MAPKAPK2: variants seen among roughly 807,000 people sequenced by gnomAD.
The protein encoded by MAPKAPK2 is MAPK activated protein kinase 2.
MAPKAPK2 carries 9 observed loss-of-function variants against 48.8 expected under a neutral mutation model. That is an observed-to-expected ratio of 0.18 (90% CI 0.11 to 0.32). The LOEUF is 0.32. Ranked by LOEUF, MAPKAPK2 falls within the 10% of genes least tolerant of loss-of-function variation. MAPKAPK2 has a pLI of 1.00. For synonymous variants in MAPKAPK2, 202 were observed against 190.6 expected, an observed-to-expected ratio of 1.06 and a Z score of -0.49; for missense variants, 331 against 498.3, an observed-to-expected ratio of 0.66 and a Z score of 3.20.
chr1:206,707,282 C>T (rs1468216845), intron 1 of MAPKAPK2, among the ~76,000 whole-genome samples: 4 of 152,086 alleles, frequency 2.6e-5, no homozygotes, highest in African/African-American at 7.2e-5. Context: ...ACTAAGTAGT[C>T]TGTTCCCAAC....
intron 1 of MAPKAPK2, among the ~76,000 whole-genome samples, chr1:206,686,245 G>A (rs1263205455): frequency 6.6e-6 from 1 of 152,332 alleles, no homozygotes; most frequent in African/African-American, 2.4e-5. Flanking sequence ...TGTAACCCGC[G>A]GCCGGGCCCG....
chr1:206,696,355 A>T, intron 1 of MAPKAPK2: 1 of 699,946 alleles, frequency 1.4e-6, no homozygotes, highest in Non-Finnish European at 2.6e-6. Context: ...CTGAAAACCT[A>T]CATCTTCATT....
intron 5 of MAPKAPK2, 21 bp from the exon 6 acceptor site, chr1:206,730,667 A>G (rs201832392): frequency 1.3e-6 from 2 of 1,578,642 alleles, no homozygotes; most frequent in East Asian, 2.4e-5. Context: ...CGGCCCACCC[A>G]TGTTGACCTT....
intron 1 of MAPKAPK2, among the ~76,000 whole-genome samples, chr1:206,706,370 G>A (rs1672959329): frequency 1.3e-5 from 2 of 152,180 alleles, no homozygotes; most frequent in Admixed American, 6.5e-5. Flanking sequence ...CTCTTTGTTA[G>A]TGGAGAAAGG....
chr1:206,710,730 G>A (rs981873480), intron 1 of MAPKAPK2, among the ~76,000 whole-genome samples: 67 of 152,216 alleles, frequency 4.4e-4, no homozygotes, highest in Non-Finnish European at 7.3e-5. Context: ...CATCGAAAGT[G>A]CAAAGGATAA....
At chr1:206,706,241 G>A (rs1305572115) in intron 1 of MAPKAPK2, among the ~76,000 whole-genome samples, 1 of 152,006 alleles carries the variant, frequency 6.6e-6, no homozygotes, top group East Asian at 1.9e-4. Context: ...GGAGCTAGGG[G>A]AGGTGTCCTT....
At chr1:206,696,820 A>G (rs1396725647) in intron 1 of MAPKAPK2, among the ~76,000 whole-genome samples, 2 of 152,216 alleles carry the variant, frequency 1.3e-5, no homozygotes, top group Non-Finnish European at 2.9e-5. Flanking sequence ...AATGTGATGT[A>G]CTAGAGGTAA....
chr1:206,728,673 G>A, intron 1 of MAPKAPK2, 37 bp from the exon 2 acceptor site: 1 of 1,602,512 alleles, frequency 6.2e-7, no homozygotes, highest in Non-Finnish European at 8.5e-7. Context: ...AGGCCCATGT[G>A]ACAGCGCAGT....
intron 1 of MAPKAPK2, among the ~76,000 whole-genome samples, chr1:206,711,801 T>A (rs1401028939): frequency 2.6e-5 from 4 of 151,770 alleles, no homozygotes; most frequent in Non-Finnish European, 5.9e-5. Flanking sequence ...CTGTATTTTA[T>A]TCGTAGAGAC....
In MAPKAPK2 at chr1:206,730,101, A is replaced by G; in HGVS notation, c.691+3A>G. 2 of 1,614,214 alleles carry G rather than the reference A, an allele frequency of 1.2e-6. No individual in the cohort carries two copies. Among genetic ancestry groups the G allele is most frequent in the Non-Finnish European group, 1.7e-6 (2 of 1,180,028 alleles). ...TTGTTATACACCGTACTATGTGGGTAAGTCCACAGGGGGCCCAGGGACCTA... is the reference window on the plus strand; with the variant it reads ...TTGTTATACACCGTACTATGTGGGTGAGTCCACAGGGGGCCCAGGGACCTA... On this transcript the variant is annotated splice_donor_region_variant and intron_variant, in intron 5 of 9. Coordinates refer to ENST00000367103, the MANE Select transcript of MAPKAPK2 (RefSeq NM_032960.4).
At chr1:206,718,222 G>A (rs868915562) in intron 1 of MAPKAPK2, among the ~76,000 whole-genome samples, 2 of 152,188 alleles carry the variant, frequency 1.3e-5, no homozygotes, top group Admixed American at 1.3e-4. Context: ...TAAGGTGGAA[G>A]CAGTTCTGTT....
chr1:206,691,482 G>T (rs868921683), intron 1 of MAPKAPK2, among the ~76,000 whole-genome samples: 13 of 77,286 alleles, frequency 1.7e-4, no homozygotes, highest in Admixed American at 2.6e-4. Context: ...TGTATTTTAA[G>T]ATATATATAT....
intron 1 of MAPKAPK2, among the ~76,000 whole-genome samples, chr1:206,689,311 G>A (rs1300874203): frequency 3.9e-5 from 6 of 152,138 alleles, no homozygotes; most frequent in African/African-American, 1.4e-4. Context: ...GGAGATGATT[G>A]GAGCCTCTCA....
intron 4 of MAPKAPK2, 150 bp from the exon 5 acceptor site, chr1:206,729,822 A>G (rs895865351): frequency 2.2e-6 from 2 of 928,702 alleles, no homozygotes; most frequent in Non-Finnish European, 3.2e-6. Flanking sequence ...CTGCCCATAG[A>G]GAGCTGCCAC....
chr1:206,705,112 C>T (rs1327006512), intron 1 of MAPKAPK2, among the ~76,000 whole-genome samples: 1 of 152,206 alleles, frequency 6.6e-6, no homozygotes, highest in African/African-American at 2.4e-5. Context: ...ATGGCAACAG[C>T]CCCCCTTCTC....
intron 1 of MAPKAPK2, among the ~76,000 whole-genome samples, chr1:206,706,113 CTTATTTATTTAT>C (rs10525931): frequency 0.18 from 25,674 of 145,746 alleles, 2,222 homozygotes; most frequent in Middle Eastern, 0.3. Context: ...TTTCCTATCT[CTTATTTATTTAT>C]TTATTTATTT....
At position 206,684,931 on chromosome 1, in the gene MAPKAPK2, G is replaced by A. The variant is rs1404484929; in HGVS notation, c.-299G>A. ...TGACGCGGCCGCCGGCCCGGGGCTG[G>A]GTACATTGTCGCGCGGCCGCTTCCC... On this transcript the variant is annotated 5_prime_UTR_variant, in exon 1 of 10. Coordinates refer to ENST00000367103, the MANE Select transcript of MAPKAPK2 (RefSeq NM_032960.4). The A allele has an allele frequency of 6.6e-6, 1 of 151,598 alleles. No individual in the cohort carries two copies. Among genetic ancestry groups the A allele is most frequent in the Admixed American group, 6.6e-5 (1 of 15,226 alleles). 9.4% of individuals were successfully genotyped at this position (151,598 alleles called of 1,614,324 possible).
Position 206,731,016 on chromosome 1 carries a change from A to G in MAPKAPK2, c.768-122A>G, listed in dbSNP as rs2102416511. On this transcript the variant is annotated intron_variant, in intron 6 of 9. Transcript: ENST00000367103. This position sits in a 1 kb window ranked among gnomAD's most constrained non-coding sequence, Gnocchi z 5.9. Reference sequence around the variant, plus strand: ...GACTTTGTATATTGTGCCTGTGTCAATAAGCCCTGATTTCTCTGTGACCTT... The same window carrying G: ...GACTTTGTATATTGTGCCTGTGTCAGTAAGCCCTGATTTCTCTGTGACCTT... 5 of 1,375,510 alleles carry G rather than the reference A, an allele frequency of 3.6e-6. No homozygotes were observed. The highest frequency in any genetic ancestry group is 1.8e-4 in the Middle Eastern group (1 of 5,498). 85.2% of individuals were successfully genotyped at this position (1,375,510 alleles called of 1,614,324 possible).
intron 1 of MAPKAPK2, among the ~76,000 whole-genome samples, chr1:206,715,943 G>A (rs570922204): frequency 6.4e-4 from 97 of 151,342 alleles, no homozygotes; most frequent in Non-Finnish European, 1.1e-3. Context: ...GATCCACTGC[G>A]CCTGACCTGA....
Sources: allele counts gnomAD v4.1 joint callset (sites outside exome capture counted in the v4.1 genomes callset), GRCh38; gene constraint gnomAD v4.1.1; non-coding constraint Gnocchi (gnomAD v3.1); transcripts MANE v1.5; gene names NCBI Gene and HGNC (gene_info 2026-07-23, HGNC 2026-07-21).